KCNT2: variants seen among roughly 807,000 people sequenced by gnomAD.
The protein encoded by KCNT2 is potassium sodium-activated channel subfamily T member 2, also known as potassium channel subfamily T member 2.
KCNT2 carries 67 observed loss-of-function variants against 153.8 expected under a neutral mutation model. The observed-to-expected ratio is 0.44, with a 90% confidence interval of 0.36 to 0.53. The LOEUF (loss-of-function observed/expected upper bound fraction) is 0.53. Ranked by LOEUF, KCNT2 falls within the 20% of genes least tolerant of loss-of-function variation. KCNT2 has a pLI of 0.00. For synonymous variants in KCNT2, 500 were observed against 458.8 expected, an observed-to-expected ratio of 1.09 and a Z score of -1.15; for missense variants, 975 against 1,354.8, an observed-to-expected ratio of 0.72 and a Z score of 4.40.
At chr1:196,375,944 A>G (rs1189853806) in intron 13 of KCNT2, among the ~76,000 whole-genome samples, 4 of 151,884 alleles carry the variant, frequency 2.6e-5, no homozygotes, top group African/African-American at 7.2e-5. Context: ...AATAATCTTT[A>G]TTTGCATGCA....
At chr1:196,251,872 T>A (rs564645498) in intron 26 of KCNT2, among the ~76,000 whole-genome samples, 222 of 151,964 alleles carry the variant, frequency 1.5e-3, no homozygotes, top group African/African-American at 5.0e-3. Context: ...ACCACGTAAA[T>A]ATATACACCT....
intron 1 of KCNT2, among the ~76,000 whole-genome samples, chr1:196,508,893 T>C (rs1681370833): frequency 6.6e-6 from 1 of 152,212 alleles, no homozygotes; most frequent in Non-Finnish European, 1.5e-5. Flanking sequence ...ATTAGATATT[T>C]ATGTATTTAC....
rs1487288211 is a variant in KCNT2, at chr1:196,345,811, A to G, written c.1404-3583T>C. Among the ~76,000 whole-genome samples, 3 of 152,304 alleles carry G rather than the reference A, an allele frequency of 2.0e-5. No individual in the cohort carries two copies. The South Asian group carries it at 6.2e-4, about 32-fold the overall frequency. ...AATCTTAAATATTCTTAGTCACAAG[A>G]AACATGGATAGATAAACAAACAAAT... On this transcript the variant is annotated intron_variant, in intron 14 of 27. Coordinates refer to ENST00000294725, the MANE Select transcript of KCNT2 (RefSeq NM_198503.5).
chr1:196,254,978 A>G (rs995796500), intron 26 of KCNT2, among the ~76,000 whole-genome samples: 4 of 151,578 alleles, frequency 2.6e-5, no homozygotes, highest in Admixed American at 6.6e-5. Context: ...ACAGTATGAA[A>G]TTTATAACAA....
intron 1 of KCNT2, among the ~76,000 whole-genome samples, chr1:196,587,669 T>C (rs1019847321): frequency 1.6e-4 from 24 of 152,058 alleles, no homozygotes; most frequent in African/African-American, 5.5e-4. Flanking sequence ...AAGTACTCAA[T>C]AGAAAAAAAA....
At chr1:196,326,550 A>G (rs1162602203) in intron 19 of KCNT2, among the ~76,000 whole-genome samples, 167 bp downstream of exon 19, 1 of 152,142 alleles carries the variant, frequency 6.6e-6, no homozygotes, top group African/African-American at 2.4e-5. Context: ...ATCATATTCA[A>G]TGATATATTT....
At chr1:196,505,336 T>C (rs571053681) in intron 1 of KCNT2, among the ~76,000 whole-genome samples, 3 of 152,320 alleles carry the variant, frequency 2.0e-5, no homozygotes, top group African/African-American at 7.2e-5. Flanking sequence ...ATTTATTAAA[T>C]AGGGAATCCT....
intron 5 of KCNT2, among the ~76,000 whole-genome samples, chr1:196,477,591 C>G (rs182251737): frequency 6.6e-6 from 1 of 151,298 alleles, no homozygotes; most frequent in Non-Finnish European, 1.5e-5. Context: ...TTCCCCTCCC[C>G]CTCCAAAAAA....
intron 26 of KCNT2, among the ~76,000 whole-genome samples, chr1:196,251,149 C>T (rs1005390665): frequency 6.6e-6 from 1 of 151,998 alleles, no homozygotes; most frequent in Non-Finnish European, 1.5e-5. Flanking sequence ...AGGATATCTG[C>T]ACTCCCATGT....
At chr1:196,378,166 A>G (rs1669134357) in intron 13 of KCNT2, among the ~76,000 whole-genome samples, 1 of 152,128 alleles carries the variant, frequency 6.6e-6, no homozygotes, top group Non-Finnish European at 1.5e-5. Flanking sequence ...GGAATTTTAT[A>G]TGTTGCTTTG....
intron 12 of KCNT2, among the ~76,000 whole-genome samples, chr1:196,421,451 A>G (rs188433238): frequency 6.6e-6 from 1 of 152,154 alleles, no homozygotes; most frequent in East Asian, 1.9e-4. Flanking sequence ...TAAGTCAACC[A>G]AATATAGAAA....
intron 1 of KCNT2, among the ~76,000 whole-genome samples, chr1:196,585,099 C>T (rs1022093022): frequency 3.9e-5 from 6 of 151,970 alleles, no homozygotes; most frequent in Non-Finnish European, 7.4e-5. Context: ...GTAGAAGAGA[C>T]TTGGAGTCTA....
intron 13 of KCNT2, among the ~76,000 whole-genome samples, chr1:196,375,459 T>C (rs1034038300): frequency 6.6e-6 from 1 of 151,814 alleles, no homozygotes; most frequent in Non-Finnish European, 1.5e-5. Flanking sequence ...CTTTATTATG[T>C]TTAGCATTGT....
intron 16 of KCNT2, among the ~76,000 whole-genome samples, chr1:196,337,691 T>A (rs1002435918): frequency 1.3e-5 from 2 of 152,096 alleles, no homozygotes; most frequent in African/African-American, 2.4e-5. Flanking sequence ...CAGGACTAAT[T>A]CCTCATTTCT....
chr1:196,237,740 T>C (rs1438154794), intron 26 of KCNT2, among the ~76,000 whole-genome samples: 1 of 151,858 alleles, frequency 6.6e-6, no homozygotes, highest in East Asian at 1.9e-4. Flanking sequence ...CTGGGAATCA[T>C]GTATTTTTAT....
chr1:196,444,183 T>A (rs1675486874), intron 8 of KCNT2, among the ~76,000 whole-genome samples: 1 of 151,234 alleles, frequency 6.6e-6, no homozygotes, highest in African/African-American at 2.4e-5. Context: ...ACCACATGCA[T>A]GTTCATAGCC....
At chr1:196,467,670 A>G (rs1364402319) in intron 7 of KCNT2, 33 bp downstream of exon 7, 1 of 1,336,506 alleles carries the variant, frequency 7.5e-7, no homozygotes, top group African/African-American at 1.4e-5. Flanking sequence ...GTTTAAAAAT[A>G]TTTTCATATT....
intron 13 of KCNT2, among the ~76,000 whole-genome samples, chr1:196,391,918 G>A (rs1670528347): frequency 6.6e-6 from 1 of 151,248 alleles, no homozygotes. Context: ...ATAAAATTTT[G>A]AGTTAATACT....
At chr1:196,409,545 A>G (rs1672113083) in intron 12 of KCNT2, among the ~76,000 whole-genome samples, 2 of 151,808 alleles carry the variant, frequency 1.3e-5, no homozygotes, top group South Asian at 2.1e-4. Flanking sequence ...ATATATATTT[A>G]CCAACATATT....
Sources: gnomAD v4.1 joint callset for allele counts (sites outside exome capture counted in the v4.1 genomes callset) on GRCh38, gnomAD v4.1.1 for gene constraint, MANE v1.5 for transcripts, NCBI Gene and HGNC (gene_info 2026-07-23, HGNC 2026-07-21) for gene names.